The following TCP1 variants were observed in gnomAD, a reference collection of about 807,000 sequenced individuals.
TCP1 encodes t-complex 1, also known as T-complex protein 1 subunit alpha.
A neutral mutation model predicts 54.7 loss-of-function variants in TCP1; 6 were observed. The observed-to-expected ratio is 0.11, with a 90% CI of 0.06 to 0.22. The LOEUF (loss-of-function observed/expected upper bound fraction) is 0.22. Among genes scored for constraint, TCP1 ranks in the 10% least tolerant of loss-of-function variants. The pLI, the probability that TCP1 is intolerant of heterozygous loss-of-function variation, is 1.00. For synonymous variants in TCP1, 225 were observed against 229.7 expected (o/e 0.98, Z 0.19); for missense variants, 511 against 678.2 (o/e 0.75, Z 2.74).
rs191455109 is a variant in TCP1 at position 159,789,485 on chromosome 6, C to T, written c.-17G>A. On this transcript the variant is annotated 5_prime_UTR_variant, in exon 1 of 12. Transcript: ENST00000321394. ...CCCCTCCATCTTGACGGCAGCGATA[C>T]ACGTCGAATTCTGCTTACACCGCGG... is the stretch of plus-strand genomic sequence containing the variant. 2.4e-5 allele frequency: 38 copies of T among 1,613,796 alleles called. No homozygotes were observed. Among genetic ancestry groups the T allele is most frequent in the East Asian group, 4.5e-5 (2 of 44,858 alleles).
intron 9 of TCP1, 66 bp from the exon 10 acceptor site, chr6:159,780,153 C>G: frequency 6.5e-7 from 1 of 1,544,536 alleles, no homozygotes. Context: ...CCAAGACCAT[C>G]AATTTCTCAA....
intron 9 of TCP1, 106 bp downstream of exon 9, chr6:159,780,337 C>T (rs1780544553): frequency 6.5e-7 from 1 of 1,541,524 alleles, no homozygotes; most frequent in African/African-American, 1.4e-5. Context: ...ATGCGTATAA[C>T]TGCTCGTATC....
Position 159,779,767 on chromosome 6 carries a change from A to G in TCP1, c.1314T>C (p.Ile438=). 6.2e-7 allele frequency: 1 copy of G among 1,605,328 alleles called. No homozygotes were observed. Among genetic ancestry groups the G allele is most frequent in the Non-Finnish European group, 8.5e-7 (1 of 1,177,780 alleles). The part of the protein sequence containing the change: ...TSMGSREQLA[I]AEFARSLLVI... ...CAAGAAGTGATCTTGCAAACTCTGC[A>G]ATCGCAAGCTGTTCCCGAGACCCCT... is the stretch of plus-strand genomic sequence containing the variant. Residue 438 remains isoleucine (I), a synonymous_variant, in exon 11 of 12, where the codon ATT becomes ATC. Coordinates refer to ENST00000321394, the MANE Select transcript of TCP1 (RefSeq NM_030752.3).
At chr6:159,783,304 G>A (rs1173127895) in intron 7 of TCP1, among the ~76,000 whole-genome samples, 1 of 151,454 alleles carries the variant, frequency 6.6e-6, no homozygotes, top group Non-Finnish European at 1.5e-5. Context: ...CACCCGTGCA[G>A]ACTGATTTAA....
rs558640675 is a variant in TCP1 at position 159,778,942 on chromosome 6, A to G, written c.*103T>C. ...GATGGAAACCATTTCCTACATCACA[A>G]AAACCCAAGTTTACAGCTTGTACTT... On this transcript the variant is annotated 3_prime_UTR_variant, in exon 12 of 12. Coordinates refer to ENST00000321394, the MANE Select transcript of TCP1 (RefSeq NM_030752.3). 1.9e-6 allele frequency: 3 copies of G among 1,562,878 alleles called. No individual in the cohort carries two copies. The East Asian group carries it at 6.8e-5, about 35-fold the overall frequency.
intron 7 of TCP1, among the ~76,000 whole-genome samples, chr6:159,781,588 C>T (rs1377524782): frequency 1.3e-5 from 2 of 152,142 alleles, no homozygotes; most frequent in African/African-American, 4.8e-5. Context: ...ACCTGGCCAA[C>T]ACGGTGAAAC....
In TCP1 at chr6:159,789,156, C is replaced by T; in HGVS notation, c.64+249G>A. 6.1e-6 allele frequency: 3 copies of T among 494,552 alleles called. 1 individual carries two copies. The South Asian group carries it at 9.2e-5, about 15-fold the overall frequency. The allele number at this position is 494,552 out of a possible 1,614,324, so 30.6% of individuals were successfully genotyped here. A position where few individuals can be genotyped will look rare whatever the true frequency, so the allele number is the denominator to read the frequency against. On this transcript the variant is annotated intron_variant, in intron 1 of 11. Coordinates refer to ENST00000321394, the MANE Select transcript of TCP1 (RefSeq NM_030752.3). The stretch of plus-strand genomic sequence containing the variant: ...GGAGGGCGCGTTTCCAACGCCGCCC[C>T]GGACACCACATCCACGCGTTGCCGG...
Position 159,778,876 on chromosome 6 carries a change from G to A in TCP1, c.*169C>T. 1 of 1,610,420 alleles carries A rather than the reference G, an allele frequency of 6.2e-7. No individual in the cohort carries two copies. The highest frequency in any genetic ancestry group is 1.1e-5 in the South Asian group (1 of 90,774). ...CTCAATTTCTTTTTAAACTAATAAA[G>A]TACTAGGTTGCAATATGTGAAATCA... On this transcript the variant is annotated 3_prime_UTR_variant, in exon 12 of 12. Transcript: ENST00000321394.
chr6:159,778,694 C>T lies in TCP1; in HGVS notation c.*351G>A. 1 of 1,614,220 alleles carries T rather than the reference C, an allele frequency of 6.2e-7. No individual in the cohort carries two copies. The highest frequency in any genetic ancestry group is 2.2e-5 in the East Asian group (1 of 44,874). On this transcript the variant is annotated 3_prime_UTR_variant, in exon 12 of 12. Coordinates refer to ENST00000321394, the MANE Select transcript of TCP1 (RefSeq NM_030752.3). ...AAGGAGGGGCTATAGCCTTGGGCCA[C>T]CCTCTTGGAGCATCTGGCTGTCGAA...
At chr6:159,783,436 G>C (rs1415284506) in intron 7 of TCP1, among the ~76,000 whole-genome samples, 1 of 145,284 alleles carries the variant, frequency 6.9e-6, no homozygotes, top group African/African-American at 2.6e-5. Context: ...TTGGAGTGCA[G>C]TGGTACAATC....
chr6:159,784,604 A>C (rs1780651138), intron 6 of TCP1, 62 bp downstream of exon 6: 10 of 1,560,092 alleles, frequency 6.4e-6, no homozygotes, highest in Non-Finnish European at 7.8e-6. Context: ...GCGCCCAGCC[A>C]AAAGAAAAGC....
intron 5 of TCP1, chr6:159,785,179 C>T (rs1338428314): frequency 2.8e-5 from 17 of 609,158 alleles, no homozygotes; most frequent in Non-Finnish European, 4.3e-5. Flanking sequence ...ACTACGCACG[C>T]GTGCGCGCAA....
rs376621462 is a variant in TCP1, at chr6:159,780,000, T to C, written c.1185A>G (p.Ala395=). The C allele has an allele frequency of 6.2e-7, 1 of 1,614,010 alleles. No homozygotes were observed. Among genetic ancestry groups the C allele is most frequent in the Admixed American group, 1.7e-5 (1 of 59,998 alleles). The change falls in exon 10 of 12, where the codon GCA becomes GCG. Residue 395 remains alanine (A), a synonymous_variant. Coordinates refer to ENST00000321394, the MANE Select transcript of TCP1 (RefSeq NM_030752.3). ...CCAAAACTCTCTTCACTACACAAAG[T>C]GCATCATGTAAAGAGCGCTCCATCT... ...CDEMERSLHD[A]LCVVKRVLES...
At position 159,787,882 on chromosome 6, in the gene TCP1, C is replaced by A; in HGVS notation, c.151-11G>T. On this transcript the variant is annotated splice_polypyrimidine_tract_variant and intron_variant, in intron 2 of 11. Transcript: ENST00000321394. Reference sequence around the variant, plus strand: ...AGTAATGGTTACATCCTAAGAAATTCGCAGGAAAAAATATGAACCACTTAT... The same window carrying A: ...AGTAATGGTTACATCCTAAGAAATTAGCAGGAAAAAATATGAACCACTTAT... The A allele has an allele frequency of 6.2e-7, 1 of 1,613,062 alleles. No homozygotes were observed. Among genetic ancestry groups the A allele is most frequent in the Non-Finnish European group, 8.5e-7 (1 of 1,179,272 alleles).
intron 1 of TCP1, 120 bp downstream of exon 1, chr6:159,789,285 G>A (rs1332132235): frequency 8.5e-6 from 10 of 1,176,948 alleles, no homozygotes; most frequent in South Asian, 2.9e-5. Context: ...GTCCGGCTGC[G>A]GGGCCCCGAG....
chr6:159,778,574 T>A lies in TCP1; in HGVS notation c.*471A>T. ...TGAGTTTGAAAGGGTAGCATGCTGA[T>A]ACATTAAGAGGAAAAAGACAAGTTT... On this transcript the variant is annotated 3_prime_UTR_variant, in exon 12 of 12. Coordinates refer to ENST00000321394, the MANE Select transcript of TCP1 (RefSeq NM_030752.3). 1 of 1,438,084 alleles carries A rather than the reference T, an allele frequency of 7.0e-7. No individual in the cohort carries two copies. Among genetic ancestry groups the A allele is most frequent in the East Asian group, 2.3e-5 (1 of 43,740 alleles). The allele number at this position is 1,438,084 out of a possible 1,614,324, so 89.1% of individuals were successfully genotyped here. A position where few individuals can be genotyped will look rare whatever the true frequency, so the allele number is the denominator to read the frequency against.
intron 11 of TCP1, 23 bp from the exon 12 acceptor site, chr6:159,779,284 T>A (rs2114988836): frequency 6.3e-7 from 1 of 1,596,314 alleles, no homozygotes; most frequent in Middle Eastern, 1.7e-4. Context: ...AAGAATTATT[T>A]AACGGCCGCT....
intron 7 of TCP1, among the ~76,000 whole-genome samples, chr6:159,781,332 G>A (rs1216606007): frequency 1.3e-5 from 2 of 152,166 alleles, no homozygotes; most frequent in African/African-American, 4.8e-5. Context: ...TGAGAACTAT[G>A]GTTAAACAGG....
intron 1 of TCP1, chr6:159,788,408 C>T (rs937551579): frequency 8.1e-6 from 3 of 370,030 alleles, no homozygotes; most frequent in Non-Finnish European, 1.5e-5. Flanking sequence ...GGCAACATAG[C>T]GAAACCCATT....
Sources: allele counts gnomAD v4.1 joint callset (sites outside exome capture counted in the v4.1 genomes callset), GRCh38; gene constraint gnomAD v4.1.1; transcripts MANE v1.5; gene names NCBI Gene and HGNC (gene_info 2026-07-23, HGNC 2026-07-21).